Variants in SAA2 observed in about 807,000 individuals in gnomAD.
SAA2 encodes serum amyloid A-2 protein.
In SAA2, 5 loss-of-function variants were observed where a neutral mutation model predicts 9.1. The ratio of observed to expected loss-of-function variants is 0.55; its 90% confidence interval spans 0.29 to 1.16. The LOEUF is 1.16. Among genes scored for constraint, SAA2 ranks in the 50% most tolerant of loss-of-function variants. The pLI is 0.09. For synonymous variants in SAA2, 49 were observed against 59.8 expected, an observed-to-expected ratio of 0.82 and a Z score of 0.83; for missense variants, 94 against 153.8, an observed-to-expected ratio of 0.61 and a Z score of 2.06.
chr11:18,241,567 AT>A (rs1214380667), downstream of SAA2, among the ~76,000 whole-genome samples: 1 of 152,226 alleles, frequency 6.6e-6, no homozygotes, highest in Non-Finnish European at 1.5e-5. Flanking sequence ...ATAGAATACT[AT>A]TCAGCCATTA....
chr11:18,241,301 A>T (rs1336231746), downstream of SAA2, among the ~76,000 whole-genome samples: 1 of 152,242 alleles, frequency 6.6e-6, no homozygotes, highest in African/African-American at 2.4e-5. Context: ...GTCAATTAGT[A>T]CAGCCTCTGT....
chr11:18,241,956 T>C (rs960333932), downstream of SAA2, among the ~76,000 whole-genome samples: 15 of 152,130 alleles, frequency 9.9e-5, no homozygotes, highest in Non-Finnish European at 2.1e-4. Flanking sequence ...AATGAACACA[T>C]GGAAGCACAT....
At chr11:18,244,373 C>G (rs1264998844), downstream of SAA2, among the ~76,000 whole-genome samples, 2 of 152,274 alleles carry the variant, frequency 1.3e-5, no homozygotes, top group East Asian at 3.9e-4. Flanking sequence ...TTAAGTTACA[C>G]CCTGGGTAGC....
chr11:18,245,934 C>G lies in SAA2; in HGVS notation c.206G>C (p.Gly69Ala). 6.2e-7 allele frequency: 1 copy of G among 1,613,936 alleles called. No homozygotes were observed. The highest frequency in any genetic ancestry group is 8.5e-7 in the Non-Finnish European group (1 of 1,179,832). The part of the protein sequence containing the change: ...NYDAAKRGPG[G>A]AWAAEVISNA... ...CCTGATCACTTCTGCAGCCCAGGCA[C>G]CCCCAGGTCCCCTTTTGGCAGCATC... is the stretch of plus-strand genomic sequence containing the variant. Residue 69 changes from glycine to alanine, a missense_variant, in exon 3 of 4, where the codon GGT becomes GCT. Physicochemically the swap from Gly to Ala is moderately conservative, Grantham distance 60 (BLOSUM62 0). This residue lies in a region of SAA2 where 32 missense variants were observed against 95.5 expected (regional missense o/e 0.34). Transcript: ENST00000256733.
At chr11:18,242,682 C>T (rs1857382466), downstream of SAA2, 1 of 662,720 alleles carries the variant, frequency 1.5e-6, no homozygotes, top group African/African-American at 1.8e-5. Context: ...CCCATCTCTA[C>T]AAAAAATATA....
At chr11:18,240,941 C>T (rs367779016), downstream of SAA2, among the ~76,000 whole-genome samples, 8 of 151,778 alleles carry the variant, frequency 5.3e-5, no homozygotes, top group East Asian at 1.9e-4. Context: ...AACCTAAGAA[C>T]GGGAGAAAAT....
chr11:18,243,234 A>G (rs565381828), downstream of SAA2, among the ~76,000 whole-genome samples: 1 of 152,248 alleles, frequency 6.6e-6, no homozygotes, highest in South Asian at 2.1e-4. Context: ...TCAGTTAATT[A>G]TTTCTAGTAA....
At chr11:18,243,242 T>C (rs149609630), downstream of SAA2, among the ~76,000 whole-genome samples, 39 of 152,196 alleles carry the variant, frequency 2.6e-4, no homozygotes, top group Non-Finnish European at 4.0e-4. Context: ...TTATTTCTAG[T>C]AATAATATGT....
chr11:18,240,503 G>C (rs982399556), downstream of SAA2, among the ~76,000 whole-genome samples: 2 of 152,110 alleles, frequency 1.3e-5, no homozygotes, highest in Admixed American at 6.6e-5. Context: ...TTTAATAAAT[G>C]TTGATGGTAC....
intron 2 of SAA2, among the ~76,000 whole-genome samples, chr11:18,246,498 T>C (rs1361372376): frequency 2.0e-5 from 3 of 152,226 alleles, no homozygotes; most frequent in African/African-American, 4.8e-5. Context: ...GAGGAAGCAA[T>C]AGAGCAGCGG....
exon 4 of SAA2, chr11:18,239,960 T>C (rs993703332): frequency 6.4e-7 from 1 of 1,551,066 alleles, no homozygotes; most frequent in Admixed American, 2.0e-5. Context: ...ACAGTTCAGC[T>C]GAAAATAAAC....
At chr11:18,241,433 C>A (rs772072119), downstream of SAA2, among the ~76,000 whole-genome samples, 1 of 152,080 alleles carries the variant, frequency 6.6e-6, no homozygotes, top group Non-Finnish European at 1.5e-5. Flanking sequence ...TACCTGAATG[C>A]ATGTATTTAT....
At chr11:18,240,016 T>C in intron 3 of SAA2, 7 of 1,548,828 alleles carry the variant, frequency 4.5e-6, no homozygotes, top group Non-Finnish European at 5.2e-6. Context: ...ACACGTATTT[T>C]AACATGCAAG....
chr11:18,240,407 T>C (rs1206281517), downstream of SAA2: 1 of 657,816 alleles, frequency 1.5e-6, no homozygotes, highest in African/African-American at 1.8e-5. Context: ...CTGCTGCCTT[T>C]CAAAGGCCTT....
At chr11:18,245,602 G>A in intron 3 of SAA2, 87 bp from the exon 4 acceptor site, 2 of 1,540,528 alleles carry the variant, frequency 1.3e-6, no homozygotes, top group Non-Finnish European at 1.8e-6. Flanking sequence ...CCAAGGGAGG[G>A]CTCAGAGAGG....
At chr11:18,243,116 C>CT (rs1257191624), downstream of SAA2, among the ~76,000 whole-genome samples, 1 of 151,796 alleles carries the variant, frequency 6.6e-6, no homozygotes, top group African/African-American at 2.4e-5. Flanking sequence ...TCCTCTGAAC[C>CT]TATGGACTAT....
chr11:18,241,044 C>T (rs1049462408), downstream of SAA2, among the ~76,000 whole-genome samples: 6 of 151,918 alleles, frequency 3.9e-5, no homozygotes, highest in East Asian at 1.9e-4. Context: ...CATTAAAAAG[C>T]GGGCAAAGGA....
At chr11:18,238,728 G>A (rs12361253), downstream of SAA2, among the ~76,000 whole-genome samples, 58,614 of 151,844 alleles carry the variant, frequency 0.39, 13,922 homozygotes, top group Non-Finnish European at 0.52. Flanking sequence ...ATAGTCCCCC[G>A]TTGTGCTATC....
chr11:18,244,330 T>A (rs1857438090), downstream of SAA2, among the ~76,000 whole-genome samples: 2 of 152,172 alleles, frequency 1.3e-5, no homozygotes, highest in East Asian at 1.9e-4. Flanking sequence ...GTTTCCCAAA[T>A]TTGTCACAGG....
Sources: gnomAD v4.1 joint callset for allele counts (sites outside exome capture counted in the v4.1 genomes callset) on GRCh38, gnomAD v4.1.1 for gene constraint, gnomAD v4.1.1 regional missense constraint, MANE v1.5 for transcripts, NCBI Gene and HGNC (gene_info 2026-07-23, HGNC 2026-07-21) for gene names.